TMX4: variants seen among roughly 807,000 people sequenced by gnomAD.
TMX4 encodes thioredoxin-related transmembrane protein 4.
TMX4 carries 23 observed loss-of-function variants against 33.3 expected under a neutral mutation model. The ratio of observed to expected loss-of-function variants is 0.69; its 90% CI spans 0.50 to 0.98. TMX4 has a LOEUF of 0.98. TMX4 is among the 50% of genes least tolerant of loss of function. The probability of loss-of-function intolerance (pLI) is 0.00; values close to 1 mark genes in which losing one functional copy is unlikely to be tolerated. For missense variants in TMX4, 399 were observed against 448.9 expected (o/e 0.89, Z 1.01); for synonymous variants, 164 against 161.5 (o/e 1.02, Z -0.12).
In TMX4 at chr20:7,991,134, C is replaced by T. The variant is rs186495483; in HGVS notation, c.514-3745G>A. ...AAATAAAGCCTTAAGTTTTCTGTCA[C>T]GTCATTCTAATAAAAAGGGAAGGTA... On this transcript the variant is annotated intron_variant, in intron 5 of 7. Coordinates refer to ENST00000246024, the MANE Select transcript of TMX4 (RefSeq NM_021156.4). 2.9e-4 allele frequency among the ~76,000 whole-genome samples: 44 copies of T among 152,244 alleles called. No homozygotes were observed. In the East Asian group the frequency reaches 4.1e-3, roughly 14 times the overall value.
At chr20:7,999,008 T>C (rs995916706) in intron 4 of TMX4, among the ~76,000 whole-genome samples, 14 of 152,200 alleles carry the variant, frequency 9.2e-5, no homozygotes, top group African/African-American at 3.1e-4. Context: ...CTCAAATGGT[T>C]GTAGAATGAA....
At chr20:8,007,778 CT>C (rs1056849496) in intron 2 of TMX4, among the ~76,000 whole-genome samples, 11 of 152,212 alleles carry the variant, frequency 7.2e-5, no homozygotes, top group African/African-American at 2.7e-4. Context: ...CTAAACAGGT[CT>C]TGATAAATTG....
chr20:8,008,335 C>G (rs945832919), intron 2 of TMX4, among the ~76,000 whole-genome samples: 5 of 152,004 alleles, frequency 3.3e-5, no homozygotes, highest in Non-Finnish European at 7.4e-5. Flanking sequence ...AATATTCCTA[C>G]AGAATACCAG....
At chr20:7,988,405 T>TA (rs1424473020) in intron 5 of TMX4, among the ~76,000 whole-genome samples, 1 of 152,296 alleles carries the variant, frequency 6.6e-6, no homozygotes, top group East Asian at 1.9e-4. Flanking sequence ...TCAATGCAAT[T>TA]AAAAAACATA....
At chr20:7,995,713 A>G (rs2050673214) in intron 5 of TMX4, among the ~76,000 whole-genome samples, 1 of 152,104 alleles carries the variant, frequency 6.6e-6, no homozygotes. Flanking sequence ...TTTCCTTTGT[A>G]GGGAGATATG....
rs1414589626 is a variant in TMX4 at position 8,019,575 on chromosome 20, G to A, written c.39C>T (p.Leu13=). 7.1e-7 allele frequency: 1 copy of A among 1,400,704 alleles called. No homozygotes were observed. Among genetic ancestry groups the A allele is most frequent in the South Asian group, 1.6e-5 (1 of 61,838 alleles). The allele number at this position is 1,400,704 out of a possible 1,614,324, so 86.8% of individuals were successfully genotyped here. A position where few individuals can be genotyped will look rare whatever the true frequency, so the allele number is the denominator to read the frequency against. ...GGRCGPQLTA[L]LAAWIAAVAA... Reference sequence around the variant, plus strand: ...CCACAGCCGCGATCCAGGCGGCCAGGAGCGCCGTTAGCTGCGGGCCGCAGC... The same window carrying A: ...CCACAGCCGCGATCCAGGCGGCCAGAAGCGCCGTTAGCTGCGGGCCGCAGC... Residue 13 remains leucine, a synonymous_variant, in exon 1 of 8, where the codon CTC becomes CTT. Coordinates refer to ENST00000246024, the MANE Select transcript of TMX4 (RefSeq NM_021156.4).
intron 2 of TMX4, among the ~76,000 whole-genome samples, chr20:8,002,388 A>C (rs575947717): frequency 6.6e-6 from 1 of 152,326 alleles, no homozygotes; most frequent in East Asian, 1.9e-4. Context: ...AACCACAAAC[A>C]GAGAATGAAA....
intron 4 of TMX4, 80 bp downstream of exon 4, chr20:7,999,652 G>C (rs1048954479): frequency 1.1e-4 from 163 of 1,475,772 alleles, no homozygotes; most frequent in Non-Finnish European, 2.1e-5. Flanking sequence ...GTAAAACATA[G>C]GCTTTTTTGA....
intron 5 of TMX4, among the ~76,000 whole-genome samples, chr20:7,988,045 A>C (rs900179315): frequency 3.3e-5 from 5 of 152,232 alleles, no homozygotes; most frequent in African/African-American, 1.2e-4. Context: ...AAATGAGTGA[A>C]GGGACATAAT....
At position 8,019,425 on chromosome 20, in the gene TMX4, C is replaced by G. The variant is rs1417721741; in HGVS notation, c.176+13G>C. 6.6e-7 allele frequency: 1 copy of G among 1,512,938 alleles called. No homozygotes were observed. Among genetic ancestry groups the G allele is most frequent in the Non-Finnish European group, 8.9e-7 (1 of 1,129,880 alleles). 93.7% of individuals were successfully genotyped at this position (1,512,938 alleles called of 1,614,324 possible). The stretch of plus-strand genomic sequence containing the variant: ...AGGACACTGCGGCGTCCGGGGCGGG[C>G]GGGCACACTCACAATTTCAGCATCC... On this transcript the variant is annotated intron_variant, in intron 1 of 7. Transcript: ENST00000246024.
At chr20:8,012,882 TTCACAGATTTAA>T (rs955472235) in intron 1 of TMX4, among the ~76,000 whole-genome samples, 73 of 152,278 alleles carry the variant, frequency 4.8e-4, no homozygotes, top group African/African-American at 1.6e-3. Context: ...ATGCCATTAT[TTCACAGATTTAA>T]TCACAGCTGA....
At chr20:7,992,466 A>G (rs777019501) in intron 5 of TMX4, among the ~76,000 whole-genome samples, 1 of 152,222 alleles carries the variant, frequency 6.6e-6, no homozygotes, top group Non-Finnish European at 1.5e-5. Flanking sequence ...ATATTGTGGT[A>G]TGAATGACAT....
chr20:7,997,349 G>A (rs1446196875), intron 4 of TMX4, among the ~76,000 whole-genome samples: 1 of 152,032 alleles, frequency 6.6e-6, no homozygotes, highest in Non-Finnish European at 1.5e-5. Flanking sequence ...CAATTTGTGA[G>A]ATATGATAAG....
intron 1 of TMX4, among the ~76,000 whole-genome samples, chr20:8,016,593 T>C (rs1398178225): frequency 6.6e-6 from 1 of 152,188 alleles, no homozygotes; most frequent in Non-Finnish European, 1.5e-5. Context: ...AATTTCATAA[T>C]AGAAGCTTTT....
intron 6 of TMX4, among the ~76,000 whole-genome samples, chr20:7,985,278 T>TATATA (rs1491289875): frequency 5.9e-4 from 30 of 51,180 alleles, no homozygotes; most frequent in Middle Eastern, 0.013. Context: ...TATATATATA[T>TATATA]TTTTTTTTTT....
At chr20:7,984,381 G>C (rs1026194215) in intron 6 of TMX4, among the ~76,000 whole-genome samples, 4 of 152,152 alleles carry the variant, frequency 2.6e-5, no homozygotes, top group Non-Finnish European at 5.9e-5. Context: ...GATCTCCATG[G>C]GGGTCTTGGA....
chr20:7,994,952 T>C (rs2050669591), intron 5 of TMX4, among the ~76,000 whole-genome samples: 1 of 152,186 alleles, frequency 6.6e-6, no homozygotes, highest in South Asian at 2.1e-4. Flanking sequence ...TTGTTTATTG[T>C]GAGACAAATG....
Position 8,019,242 on chromosome 20 carries a change from G to T in TMX4, c.176+196C>A, listed in dbSNP as rs189248350. ...CAGGTCGTTGGTAAGGCGGGTCCGC[G>T]GACCCCAGGTCGAGCCCAGCGGCAG... is the stretch of plus-strand genomic sequence containing the variant. On this transcript the variant is annotated intron_variant, in intron 1 of 7. Transcript: ENST00000246024. The T allele has an allele frequency of 1.3e-5, 8 of 631,508 alleles. No individual in the cohort carries two copies. The East Asian group carries it at 2.5e-4, about 20-fold the overall frequency. 39.1% of individuals were successfully genotyped at this position (631,508 alleles called of 1,614,324 possible).
chr20:7,987,019 CTTTT>C, intron 6 of TMX4, among the ~76,000 whole-genome samples: 1 of 132,336 alleles, frequency 7.6e-6, no homozygotes, highest in African/African-American at 2.7e-5. Flanking sequence ...AGTAAGGTCT[CTTTT>C]TTTTTTTTTT....
Sources: allele counts gnomAD v4.1 joint callset (sites outside exome capture counted in the v4.1 genomes callset), GRCh38; gene constraint gnomAD v4.1.1; transcripts MANE v1.5; gene names NCBI Gene and HGNC (gene_info 2026-07-23, HGNC 2026-07-21).